Variants in CFAP61 observed in about 807,000 individuals in gnomAD.
CFAP61 encodes the protein cilia and flagella associated protein 61.
In CFAP61, 107 loss-of-function variants were observed where a neutral mutation model predicts 135.6. The ratio of observed to expected loss-of-function variants is 0.79; its 90% CI spans 0.67 to 0.93. The LOEUF is 0.93. Among genes scored for constraint, CFAP61 ranks in the 40% least tolerant of loss-of-function variants. CFAP61 has a pLI of 0.00. For synonymous variants in CFAP61, 575 were observed against 578.5 expected, an observed-to-expected ratio of 0.99 and a Z score of 0.09; for missense variants, 1,507 against 1,556.2, an observed-to-expected ratio of 0.97 and a Z score of 0.53.
At chr20:20,193,581 T>G (rs1392904282) in intron 15 of CFAP61, among the ~76,000 whole-genome samples, 1 of 152,046 alleles carries the variant, frequency 6.6e-6, no homozygotes, top group East Asian at 1.9e-4. Flanking sequence ...CTCATTTGGC[T>G]GTGTGTAGAA....
chr20:20,146,809 C>G (rs1448141538), intron 9 of CFAP61, among the ~76,000 whole-genome samples: 1 of 152,038 alleles, frequency 6.6e-6, no homozygotes, highest in African/African-American at 2.4e-5. Context: ...TTTTTGGTTA[C>G]CTGGATAAGT....
chr20:20,342,883 T>C (rs1025882625), intron 26 of CFAP61, among the ~76,000 whole-genome samples: 7 of 151,526 alleles, frequency 4.6e-5, no homozygotes, highest in Admixed American at 1.3e-4. Context: ...TTTTTTGAGA[T>C]GGAGTCCCCC....
chr20:20,319,554 G>C (rs1043075968), intron 25 of CFAP61, among the ~76,000 whole-genome samples: 2 of 152,166 alleles, frequency 1.3e-5, no homozygotes, highest in African/African-American at 4.8e-5. Flanking sequence ...TCTTCCTCCT[G>C]CTCTGGCCAT....
chr20:20,288,532 C>T, intron 22 of CFAP61, 77 bp from the exon 23 acceptor site: 3 of 1,144,676 alleles, frequency 2.6e-6, no homozygotes, highest in South Asian at 1.4e-5. Flanking sequence ...ATAAAATGCC[C>T]TGGAGACTAG....
At chr20:20,210,969 A>T (rs980156974) in intron 17 of CFAP61, among the ~76,000 whole-genome samples, 2 of 152,212 alleles carry the variant, frequency 1.3e-5, no homozygotes, top group African/African-American at 4.8e-5. Context: ...TACAAAAAAT[A>T]AACTATTTAA....
chr20:20,254,647 C>A (rs1415543515), intron 20 of CFAP61, among the ~76,000 whole-genome samples: 1 of 152,188 alleles, frequency 6.6e-6, no homozygotes, highest in African/African-American at 2.4e-5. Flanking sequence ...GAGCTTTTCT[C>A]CCCCTTCCCC....
At chr20:20,137,540 C>T in intron 8 of CFAP61, among the ~76,000 whole-genome samples, 1 of 152,194 alleles carries the variant, frequency 6.6e-6, no homozygotes. Flanking sequence ...ACCACAGGCC[C>T]ACAGGGAGTA....
In CFAP61 at chr20:20,169,863, G is replaced by C. The variant is rs145139948; in HGVS notation, c.1385+403G>C. The stretch of plus-strand genomic sequence containing the variant: ...AAGGAAGGATTCTTCTGTAAATCAT[G>C]AGACAAAATGGAGGTAGAAACTTTT... On this transcript the variant is annotated intron_variant, in intron 13 of 26. Coordinates refer to ENST00000245957, the MANE Select transcript of CFAP61 (RefSeq NM_015585.4). Among the ~76,000 whole-genome samples, 252 of 152,328 alleles carry C rather than the reference G, an allele frequency of 1.7e-3. 1 individual carries two copies. Among genetic ancestry groups the C allele is most frequent in the Non-Finnish European group, 2.5e-3 (167 of 68,030 alleles).
chr20:20,097,175 A>G (rs997944364), intron 7 of CFAP61, among the ~76,000 whole-genome samples: 4 of 151,268 alleles, frequency 2.6e-5, no homozygotes, highest in African/African-American at 9.7e-5. Flanking sequence ...AGATTAAAGC[A>G]TTTTCTCTGA....
chr20:20,117,773 G>A (rs1332155625), intron 8 of CFAP61, among the ~76,000 whole-genome samples: 1 of 151,958 alleles, frequency 6.6e-6, no homozygotes, highest in African/African-American at 2.4e-5. Flanking sequence ...TTTTATCAGT[G>A]TGTTTTAGTT....
chr20:20,148,248 T>C (rs766958070), intron 9 of CFAP61, among the ~76,000 whole-genome samples: 1 of 152,218 alleles, frequency 6.6e-6, no homozygotes, highest in Non-Finnish European at 1.5e-5. Context: ...CTTTTATGGC[T>C]CCGTATGAAT....
At chr20:20,304,833 C>T (rs909941999) in intron 25 of CFAP61, among the ~76,000 whole-genome samples, 1 of 152,054 alleles carries the variant, frequency 6.6e-6, no homozygotes, top group African/African-American at 2.4e-5. Context: ...CCGAACACCC[C>T]TGTCCCGTGT....
At chr20:20,264,941 A>G (rs1483297367) in intron 21 of CFAP61, among the ~76,000 whole-genome samples, 1 of 151,936 alleles carries the variant, frequency 6.6e-6, no homozygotes, top group Non-Finnish European at 1.5e-5. Context: ...CTCTGTTGCA[A>G]CTCTTCAACT....
chr20:20,183,171 T>C (rs531848915), intron 13 of CFAP61, among the ~76,000 whole-genome samples: 1 of 151,936 alleles, frequency 6.6e-6, no homozygotes, highest in East Asian at 1.9e-4. Context: ...TTTTTTTTTT[T>C]TTAGATAGAG....
At chr20:20,330,618 G>A (rs2057949249) in intron 25 of CFAP61, among the ~76,000 whole-genome samples, 1 of 152,128 alleles carries the variant, frequency 6.6e-6, no homozygotes, top group African/African-American at 2.4e-5. Flanking sequence ...ATTAACAGGT[G>A]TGAGCCACCA....
chr20:20,127,591 C>T (rs1243377290), intron 8 of CFAP61, among the ~76,000 whole-genome samples: 6 of 140,688 alleles, frequency 4.3e-5, no homozygotes, highest in Admixed American at 2.1e-4. Context: ...GTCTCTCAGC[C>T]GTGGATACCA....
intron 13 of CFAP61, 55 bp downstream of exon 13, chr20:20,169,515 G>T: frequency 1.5e-6 from 2 of 1,373,266 alleles, no homozygotes; most frequent in Non-Finnish European, 1.9e-6. Context: ...AGAAGAGAAG[G>T]GAACAAGGAA....
chr20:20,337,350 G>A (rs554688875), intron 25 of CFAP61, among the ~76,000 whole-genome samples: 546 of 5,958 alleles, frequency 0.092, 14 homozygotes, highest in Non-Finnish European at 0.15. Context: ...AGATGGGTGG[G>A]TGGGTGGATG....
chr20:20,350,355 G>C (rs1402360894), intron 26 of CFAP61, among the ~76,000 whole-genome samples: 1 of 152,214 alleles, frequency 6.6e-6, no homozygotes, highest in Non-Finnish European at 1.5e-5. Context: ...GAGGCCAGAC[G>C]TGGTGGTTCA....
Sources: gnomAD v4.1 joint callset for allele counts (sites outside exome capture counted in the v4.1 genomes callset) on GRCh38, gnomAD v4.1.1 for gene constraint, MANE v1.5 for transcripts, NCBI Gene and HGNC (gene_info 2026-07-23, HGNC 2026-07-21) for gene names.